Variants in NUDT3 observed in about 807,000 individuals in gnomAD.
NUDT3 encodes the protein diphosphoinositol polyphosphate phosphohydrolase 1.
NUDT3 carries 9 observed loss-of-function variants against 23.6 expected under a neutral mutation model. The observed-to-expected ratio is 0.38, with a 90% CI of 0.23 to 0.66. NUDT3 has a LOEUF of 0.66. NUDT3 is among the 30% of genes least tolerant of loss of function. The probability of loss-of-function intolerance (pLI) is 0.52; values close to 1 mark genes in which losing one functional copy is unlikely to be tolerated. For synonymous variants in NUDT3, 86 were observed against 82.6 expected, an observed-to-expected ratio of 1.04 and a Z score of -0.22; for missense variants, 172 against 218.5, an observed-to-expected ratio of 0.79 and a Z score of 1.34.
At chr6:34,376,688 G>C (rs1460432689) in intron 1 of NUDT3, among the ~76,000 whole-genome samples, 1 of 152,132 alleles carries the variant, frequency 6.6e-6, no homozygotes, top group Non-Finnish European at 1.5e-5. Flanking sequence ...TTCCAGAATA[G>C]AACATCATTC....
At chr6:34,306,580 ACT>A (rs747867264) in intron 2 of NUDT3, among the ~76,000 whole-genome samples, 15 of 152,156 alleles carry the variant, frequency 9.9e-5, no homozygotes, top group Non-Finnish European at 1.9e-4. Context: ...GTTTTGGAAG[ACT>A]CTTCTGGACT....
intron 2 of NUDT3, among the ~76,000 whole-genome samples, chr6:34,323,607 C>A (rs370382335): frequency 6.7e-6 from 1 of 149,958 alleles, no homozygotes; most frequent in Admixed American, 6.7e-5. Flanking sequence ...AGAAGAGAAG[C>A]GAAGCGAAGC....
chr6:34,351,270 T>G (rs1764471578), intron 1 of NUDT3, among the ~76,000 whole-genome samples: 1 of 133,466 alleles, frequency 7.5e-6, no homozygotes, highest in Non-Finnish European at 1.6e-5. Context: ...AGGCCAGGCG[T>G]TCAAGACCAG....
intron 2 of NUDT3, among the ~76,000 whole-genome samples, chr6:34,331,069 A>G (rs1241771079): frequency 6.6e-6 from 1 of 152,078 alleles, no homozygotes; most frequent in Non-Finnish European, 1.5e-5. Flanking sequence ...TGGCCAGGCT[A>G]GTCTCGAACT....
At chr6:34,331,226 C>T (rs1473227846) in intron 2 of NUDT3, among the ~76,000 whole-genome samples, 2 of 151,594 alleles carry the variant, frequency 1.3e-5, no homozygotes, top group Non-Finnish European at 2.9e-5. Context: ...TGAACTCTTG[C>T]GGTGCCATTA....
At chr6:34,351,224 A>AAAAAAAAC (rs1374203552) in intron 1 of NUDT3, among the ~76,000 whole-genome samples, 3 of 136,350 alleles carry the variant, frequency 2.2e-5, no homozygotes, top group Non-Finnish European at 3.1e-5. Context: ...AAAAAAAAAA[A>AAAAAAAAC]AACACTTTGG....
chr6:34,372,458 T>G (rs1166074782), intron 1 of NUDT3, among the ~76,000 whole-genome samples: 1 of 152,172 alleles, frequency 6.6e-6, no homozygotes, highest in Non-Finnish European at 1.5e-5. Flanking sequence ...AGATGGTATC[T>G]CATTGTGGTT....
chr6:34,377,333 T>C (rs548485948), intron 1 of NUDT3, among the ~76,000 whole-genome samples: 3 of 151,914 alleles, frequency 2.0e-5, no homozygotes, highest in South Asian at 2.1e-4. Flanking sequence ...TTGCAAAAAG[T>C]GAAGCCTCAA....
intron 2 of NUDT3, among the ~76,000 whole-genome samples, chr6:34,299,620 TA>T (rs1491185086): frequency 7.6e-6 from 1 of 130,938 alleles, no homozygotes. Context: ...TTTTTTTTTT[TA>T]AAGTCCAGGT....
At chr6:34,297,550 G>GT (rs59167136) in intron 2 of NUDT3, among the ~76,000 whole-genome samples, 1,941 of 131,274 alleles carry the variant, frequency 0.015, 21 homozygotes, top group African/African-American at 0.03. Context: ...AAAAGTCATT[G>GT]TTTTTTTTTT....
At chr6:34,368,057 C>A (rs1764766849) in intron 1 of NUDT3, among the ~76,000 whole-genome samples, 2 of 152,076 alleles carry the variant, frequency 1.3e-5, no homozygotes, top group Non-Finnish European at 1.5e-5. Context: ...AAAAATTATC[C>A]CGGCGTGGTG....
chr6:34,341,816 T>C, intron 2 of NUDT3, 46 bp downstream of exon 2: 3 of 1,564,184 alleles, frequency 1.9e-6, no homozygotes, highest in Non-Finnish European at 2.6e-6. Flanking sequence ...ATAGGACAGG[T>C]TCATGATGAC....
intron 1 of NUDT3, among the ~76,000 whole-genome samples, chr6:34,363,830 T>C (rs1477742323): frequency 6.6e-6 from 1 of 151,954 alleles, no homozygotes; most frequent in Admixed American, 6.6e-5. Context: ...TGGAGTGCAG[T>C]AGCGCGATCT....
chr6:34,355,723 C>T (rs1435267407), intron 1 of NUDT3, among the ~76,000 whole-genome samples: 3 of 150,454 alleles, frequency 2.0e-5, no homozygotes, highest in Non-Finnish European at 3.0e-5. Flanking sequence ...GGTTTAACTA[C>T]AAATTCAATT....
intron 4 of NUDT3, among the ~76,000 whole-genome samples, chr6:34,292,256 C>A (rs1207608986): frequency 2.0e-5 from 3 of 152,158 alleles, no homozygotes; most frequent in African/African-American, 7.2e-5. Context: ...CCATCAAGAG[C>A]CAAAGGGCTA....
intron 2 of NUDT3, 115 bp from the exon 3 acceptor site, chr6:34,295,800 G>A (rs969176390): frequency 1.2e-5 from 16 of 1,283,022 alleles, no homozygotes; most frequent in Non-Finnish European, 1.6e-5. Context: ...CACAGCTTGG[G>A]CAGACTCCAC....
At chr6:34,299,166 C>T (rs536361864) in intron 2 of NUDT3, among the ~76,000 whole-genome samples, 2 of 152,124 alleles carry the variant, frequency 1.3e-5, no homozygotes, top group Non-Finnish European at 2.9e-5. Flanking sequence ...TGTGTCAGGG[C>T]CACATCTGAC....
intron 3 of NUDT3, among the ~76,000 whole-genome samples, chr6:34,294,334 C>T (rs1029130199): frequency 2.0e-5 from 3 of 152,024 alleles, no homozygotes; most frequent in South Asian, 4.1e-4. Flanking sequence ...GTTGCCCAGG[C>T]TGGTCTTAAA....
chr6:34,381,044 T>G (rs1765008464), intron 1 of NUDT3, among the ~76,000 whole-genome samples: 1 of 152,170 alleles, frequency 6.6e-6, no homozygotes, highest in African/African-American at 2.4e-5. Flanking sequence ...TTAGACAGGG[T>G]CTTACTCTGT....
Sources: allele counts gnomAD v4.1 joint callset (sites outside exome capture counted in the v4.1 genomes callset), GRCh38; gene constraint gnomAD v4.1.1; transcripts MANE v1.5; gene names NCBI Gene and HGNC (gene_info 2026-07-23, HGNC 2026-07-21).